The following MALT1 variants were observed in gnomAD, a reference collection of about 807,000 sequenced individuals.
MALT1 encodes mucosa-associated lymphoid tissue lymphoma translocation protein 1.
A neutral mutation model predicts 85.5 loss-of-function variants in MALT1; 36 were observed. That is an observed-to-expected ratio of 0.42 (90% confidence interval 0.32 to 0.56). The LOEUF is 0.56. MALT1 is among the 20% of genes least tolerant of loss of function. The pLI is 0.10. For synonymous variants in MALT1, 359 were observed against 361.3 expected (o/e 0.99, Z 0.07); for missense variants, 716 against 981.6 (o/e 0.73, Z 3.62).
At chr18:58,724,861 T>C (rs1459641813) in intron 10 of MALT1, among the ~76,000 whole-genome samples, 1 of 151,374 alleles carries the variant, frequency 6.6e-6, no homozygotes, top group Non-Finnish European at 1.5e-5. Flanking sequence ...ATACAAAAAT[T>C]GGGCCGGACG....
intron 13 of MALT1, among the ~76,000 whole-genome samples, chr18:58,739,946 C>T (rs2055279753): frequency 6.6e-6 from 1 of 152,096 alleles, no homozygotes; most frequent in South Asian, 2.1e-4. Flanking sequence ...TGATCTGTTC[C>T]CTAATGTTTA....
chr18:58,738,083 CCTACATCTAATTA>C (rs2144474545), intron 13 of MALT1, among the ~76,000 whole-genome samples: 1 of 152,194 alleles, frequency 6.6e-6, no homozygotes, highest in East Asian at 1.9e-4. Context: ...CTTGAAGTAA[CCTACATCTAATTA>C]TAGGACCCCT....
intron 10 of MALT1, among the ~76,000 whole-genome samples, chr18:58,724,627 G>A (rs1392554665): frequency 6.6e-6 from 1 of 152,072 alleles, no homozygotes; most frequent in African/African-American, 2.4e-5. Flanking sequence ...CGTCATGAGG[G>A]GTCGCAGTTA....
intron 1 of MALT1, among the ~76,000 whole-genome samples, chr18:58,678,281 A>G (rs2054270236): frequency 1.3e-5 from 2 of 152,232 alleles, no homozygotes; most frequent in African/African-American, 4.8e-5. Flanking sequence ...CAAGCAATAA[A>G]ATAGTTTGCT....
At chr18:58,747,134 G>A (rs2055379005) in intron 16 of MALT1, among the ~76,000 whole-genome samples, 1 of 152,204 alleles carries the variant, frequency 6.6e-6, no homozygotes. Flanking sequence ...CATCTAGAGT[G>A]TAAGAAAGAT....
intron 4 of MALT1, among the ~76,000 whole-genome samples, chr18:58,704,549 C>T (rs1297038071): frequency 2.0e-5 from 3 of 152,174 alleles, no homozygotes; most frequent in Non-Finnish European, 4.4e-5. Context: ...CTCTGCCTCC[C>T]AGGCTCAAAT....
Position 58,681,332 on chromosome 18 carries a change from C to A in MALT1, c.372C>A (p.Pro124=). 1 of 1,612,454 alleles carries A rather than the reference C, an allele frequency of 6.2e-7. No individual in the cohort carries two copies. Among genetic ancestry groups the A allele is most frequent in the Non-Finnish European group, 8.5e-7 (1 of 1,179,254 alleles). Residue 124 remains proline, a synonymous_variant, in exon 2 of 17, where the codon CCC becomes CCA. Transcript: ENST00000649217. ...CTGAAGTTCTTCAGCTTCTCAGCCC[C>A]CCAGGTAGGTTTTGTTCTTAGGATT... ...EHTEVLQLLS[P]PGIKITVNPE...
rs1238997438 is a variant in MALT1, at chr18:58,734,190, TAATTTTA to T, written c.1401-112_1401-106del. The T allele has an allele frequency of 2.8e-6, 3 of 1,055,680 alleles. No individual in the cohort carries two copies. In the African/African-American group the frequency reaches 4.8e-5, roughly 17 times the overall value. The allele number at this position is 1,055,680 out of a possible 1,614,324, so 65.4% of individuals were successfully genotyped here. ...ACCTAGATGAAAAATTTTGAATCTATAATTTTAAATTATGTATTCTAAAAAACTGTTG... is the reference window on the plus strand; with the variant it reads ...ACCTAGATGAAAAATTTTGAATCTATAATTATGTATTCTAAAAAACTGTTG... On this transcript the variant is annotated intron_variant, in intron 11 of 16. Coordinates refer to ENST00000649217, the MANE Select transcript of MALT1 (RefSeq NM_006785.4).
rs1300095553 is a variant in MALT1, at chr18:58,741,869, G to A, written c.1608G>A (p.Met536Ile). Reference protein sequence around the residue: ...TVLLDEVAEDMGKCHLTKGKQ... With the variant: ...TVLLDEVAEDIGKCHLTKGKQ... ...ATTTATTTTCATATCTTTTAGATAT[G>A]GGTAAGTGTCACCTTACCAAAGGCA... is the stretch of plus-strand genomic sequence containing the variant. Residue 536 changes from methionine to isoleucine, a missense_variant, in exon 14 of 17, where the codon ATG (methionine) becomes ATA (isoleucine). Physicochemically the swap from Met to Ile is conservative, Grantham distance 10 (BLOSUM62 1). This residue lies in a region of MALT1 where 86 missense variants were observed against 212.3 expected (regional missense o/e 0.41). Coordinates refer to ENST00000649217, the MANE Select transcript of MALT1 (RefSeq NM_006785.4). 1 of 1,495,780 alleles carries A rather than the reference G, an allele frequency of 6.7e-7. No homozygotes were observed. The highest frequency in any genetic ancestry group is 2.3e-5 in the East Asian group (1 of 43,576). 92.7% of individuals were successfully genotyped at this position (1,495,780 alleles called of 1,614,324 possible). A position where few individuals can be genotyped will look rare whatever the true frequency, so the allele number is the denominator to read the frequency against.
intron 2 of MALT1, among the ~76,000 whole-genome samples, chr18:58,688,621 G>C (rs1180180474): frequency 6.8e-6 from 1 of 147,744 alleles, no homozygotes. Flanking sequence ...ATAACTTTTA[G>C]AACCTGGCCA....
At chr18:58,718,867 A>G (rs1488630796) in intron 9 of MALT1, among the ~76,000 whole-genome samples, 1 of 152,180 alleles carries the variant, frequency 6.6e-6, no homozygotes, top group African/African-American at 2.4e-5. Flanking sequence ...AGGATTTTCA[A>G]GGACGAATTG....
intron 2 of MALT1, among the ~76,000 whole-genome samples, chr18:58,695,218 G>A (rs906554348): frequency 3.3e-5 from 5 of 152,146 alleles, no homozygotes; most frequent in Admixed American, 2.0e-4. Flanking sequence ...TTGCCCAGTC[G>A]TGGGTATGCC....
chr18:58,708,715 G>A (rs954798684), intron 4 of MALT1, among the ~76,000 whole-genome samples: 3 of 152,166 alleles, frequency 2.0e-5, no homozygotes, highest in Non-Finnish European at 2.9e-5. Context: ...TTTTGTGCAT[G>A]TAATAATATA....
intron 10 of MALT1, among the ~76,000 whole-genome samples, chr18:58,731,798 AG>A (rs2144454345): frequency 6.6e-6 from 1 of 151,876 alleles, no homozygotes; most frequent in African/African-American, 2.4e-5. Context: ...TCATGTATGG[AG>A]ATACATGAAT....
rs558037849 is a variant in MALT1, at chr18:58,691,882, A to C, written c.377-4484A>C. The stretch of plus-strand genomic sequence containing the variant: ...AGCGAGACTCCGTCTCAAAAAAAAA[A>C]AACAACAAAAAATTAGCCAGGCATG... On this transcript the variant is annotated intron_variant, in intron 2 of 16. Coordinates refer to ENST00000649217, the MANE Select transcript of MALT1 (RefSeq NM_006785.4). Among the ~76,000 whole-genome samples, 8 of 150,844 alleles carry C rather than the reference A, an allele frequency of 5.3e-5. No individual in the cohort carries two copies. In the East Asian group the frequency reaches 5.8e-4, roughly 11 times the overall value.
chr18:58,688,761 G>A (rs1404657088), intron 2 of MALT1, among the ~76,000 whole-genome samples: 5 of 152,006 alleles, frequency 3.3e-5, no homozygotes, highest in Admixed American at 6.6e-5. Flanking sequence ...TTCATGAGCC[G>A]TGTCCTGGTG....
At chr18:58,689,958 G>A (rs1484359501) in intron 2 of MALT1, among the ~76,000 whole-genome samples, 1 of 152,170 alleles carries the variant, frequency 6.6e-6, no homozygotes, top group African/African-American at 2.4e-5. Context: ...GGGGCCAAAG[G>A]AGCAGTTCGT....
chr18:58,749,180 C>G lies in MALT1; in HGVS notation c.*1338C>G, dbSNP rs1190937064. 1 of 217,428 alleles carries G rather than the reference C, an allele frequency of 4.6e-6. No individual in the cohort carries two copies. Among genetic ancestry groups the G allele is most frequent in the Non-Finnish European group, 9.2e-6 (1 of 108,350 alleles). 13.5% of individuals were successfully genotyped at this position (217,428 alleles called of 1,614,324 possible). A position where few individuals can be genotyped will look rare whatever the true frequency, so the allele number is the denominator to read the frequency against. ...TAATTATGTTCTACAGAATATTCTC[C>G]CATAAACACTGAATTAAATATGGAA... On this transcript the variant is annotated 3_prime_UTR_variant, in exon 17 of 17. Transcript: ENST00000649217.
At chr18:58,738,789 C>CTGTGTGTG (rs35316552) in intron 13 of MALT1, among the ~76,000 whole-genome samples, 14 of 125,150 alleles carry the variant, frequency 1.1e-4, no homozygotes, top group African/African-American at 4.0e-4. Context: ...GTGCATTCTT[C>CTGTGTGTG]TGTGTGTGTG....
Sources: allele counts gnomAD v4.1 joint callset (sites outside exome capture counted in the v4.1 genomes callset), GRCh38; gene constraint gnomAD v4.1.1; regional missense constraint gnomAD v4.1.1; transcripts MANE v1.5; gene names NCBI Gene and HGNC (gene_info 2026-07-23, HGNC 2026-07-21).